The following PRDM15 variants were observed in gnomAD, a reference collection of about 807,000 sequenced individuals.
PRDM15 encodes PR domain zinc finger protein 15.
Under a neutral mutation model 128.6 loss-of-function variants are expected in PRDM15, and 64 were observed. The observed-to-expected ratio is 0.50, with a 90% CI of 0.41 to 0.61. The LOEUF is 0.61. Ranked by LOEUF, PRDM15 falls within the 20% of genes least tolerant of loss-of-function variation. The pLI is 0.00. For missense variants in PRDM15, 1,242 were observed against 1,569.1 expected (o/e 0.79, Z 3.52); for synonymous variants, 615 against 621.8 (o/e 0.99, Z 0.16).
intron 17 of PRDM15, 21 bp from the exon 18 acceptor site, chr21:41,819,722 C>T (rs1415002309): frequency 6.3e-7 from 1 of 1,585,710 alleles, no homozygotes; most frequent in East Asian, 2.3e-5. Context: ...AGGCATCTGC[C>T]ACTCAGAGCC....
chr21:41,826,320 C>T (rs1263894737), intron 12 of PRDM15, among the ~76,000 whole-genome samples: 1 of 152,178 alleles, frequency 6.6e-6, no homozygotes, highest in African/African-American at 2.4e-5. Context: ...GCATCTGAAA[C>T]ATTTGGAAAT....
intron 1 of PRDM15, among the ~76,000 whole-genome samples, chr21:41,877,805 T>C (rs2064475362): frequency 6.6e-6 from 1 of 152,278 alleles, no homozygotes. Context: ...AATGGAACAT[T>C]TAGCTTGTTC....
In PRDM15 at chr21:41,810,094, G is replaced by A. The variant is rs1422507981; in HGVS notation, c.2652+60C>T. 3 of 1,528,606 alleles carry A rather than the reference G, an allele frequency of 2.0e-6. No homozygotes were observed. 94.7% of individuals were successfully genotyped at this position (1,528,606 alleles called of 1,614,324 possible). ...AGGGAGGTGGGCCATGTGCCAGCAT[G>A]GGGGTGTCCGGTGCGCGGCCCGCTG... On this transcript the variant is annotated intron_variant, in intron 21 of 23. Transcript: ENST00000398548. The surrounding 1 kb of genome is among the most constrained non-coding windows in gnomAD (Gnocchi z 6.4).
At chr21:41,816,119 C>T (rs965446581) in intron 18 of PRDM15, among the ~76,000 whole-genome samples, 19 of 152,258 alleles carry the variant, frequency 1.2e-4, no homozygotes, top group African/African-American at 4.6e-4. Flanking sequence ...GGGTAAACTT[C>T]CCTGCGTGCC....
chr21:41,837,290 C>T (rs573319778), intron 8 of PRDM15, among the ~76,000 whole-genome samples: 2 of 152,244 alleles, frequency 1.3e-5, no homozygotes, highest in African/African-American at 4.8e-5. Context: ...AGCAGCGTCA[C>T]GAAAGCTAGA....
chr21:41,860,711 G>A (rs1043117534), intron 1 of PRDM15, among the ~76,000 whole-genome samples: 12 of 152,082 alleles, frequency 7.9e-5, no homozygotes, highest in Admixed American at 3.3e-4. Context: ...GTGAGCCACC[G>A]TGCCTGGCCT....
At chr21:41,847,223 C>A in intron 5 of PRDM15, 32 bp from the exon 6 acceptor site, 2 of 1,464,974 alleles carry the variant, frequency 1.4e-6, no homozygotes, top group Non-Finnish European at 1.9e-6. Context: ...AAAAAGGTGA[C>A]CCCCAAGCAG....
chr21:41,828,130 T>C lies in PRDM15; in HGVS notation c.1534+36A>G. 1 of 1,607,974 alleles carries C rather than the reference T, an allele frequency of 6.2e-7. No homozygotes were observed. Among genetic ancestry groups the C allele is most frequent in the Non-Finnish European group, 8.5e-7 (1 of 1,178,078 alleles). ...CCTGCCCCACCCCGCAGGAGCTGCC[T>C]CTCCCCGCCCGCAGCAGGTGCGCAG... On this transcript the variant is annotated intron_variant, in intron 12 of 23. Transcript: ENST00000398548. This position sits in a 1 kb window ranked among gnomAD's most constrained non-coding sequence, Gnocchi z 5.7.
At chr21:41,857,545 A>T (rs2063674653) in intron 3 of PRDM15, among the ~76,000 whole-genome samples, 1 of 152,208 alleles carries the variant, frequency 6.6e-6, no homozygotes, top group South Asian at 2.1e-4. Context: ...AGACTGTATA[A>T]GCCCAGGAGT....
In PRDM15 at chr21:41,810,698, G is replaced by A; in HGVS notation, c.2476+55C>T. ...TTCCACCCCAGCAGGCACTCAGACA[G>A]CCCCGGCAGCCTGCCGCGTGCGCCC... On this transcript the variant is annotated intron_variant, in intron 20 of 23. Transcript: ENST00000398548. The surrounding 1 kb of genome is among the most constrained non-coding windows in gnomAD (Gnocchi z 6.4). The A allele has an allele frequency of 7.1e-7, 1 of 1,402,230 alleles. No individual in the cohort carries two copies. The highest frequency in any genetic ancestry group is 1.0e-6 in the Non-Finnish European group (1 of 989,406). 86.9% of individuals were successfully genotyped at this position (1,402,230 alleles called of 1,614,324 possible).
chr21:41,805,751 CTCTATCATCAGT>C (rs2061541641), intron 21 of PRDM15, among the ~76,000 whole-genome samples: 1 of 151,338 alleles, frequency 6.6e-6, no homozygotes, highest in Non-Finnish European at 1.5e-5. Flanking sequence ...TCATTACCAC[CTCTATCATCAGT>C]ATCATCACCA....
chr21:41,801,560 G>A lies in PRDM15; in HGVS notation c.3106C>T (p.Leu1036=). 1 of 1,614,202 alleles carries A rather than the reference G, an allele frequency of 6.2e-7. No homozygotes were observed. Among genetic ancestry groups the A allele is most frequent in the Non-Finnish European group, 8.5e-7 (1 of 1,180,034 alleles). Residue 1036 remains leucine, a synonymous_variant, in exon 24 of 24, where the codon CTG becomes TTG. Coordinates refer to ENST00000398548, the MANE Select transcript of PRDM15 (RefSeq NM_001040424.3). ...HLTTPERQLQ[L]DNSILTVTFD... is the part of the protein sequence containing the mutation. ...GTCACGGTCAGGATTGAGTTGTCCA[G>A]CTGTAACTGGCGTTCAGGGGTGGTA... is the stretch of plus-strand genomic sequence containing the variant.
At chr21:41,823,568 G>T in intron 13 of PRDM15, 119 bp from the exon 14 acceptor site, 1 of 1,058,574 alleles carries the variant, frequency 9.4e-7, no homozygotes, top group Non-Finnish European at 1.3e-6. Context: ...CTGTGCTCCA[G>T]GCCTTGCATC....
chr21:41,832,988 A>G lies in PRDM15; in HGVS notation c.1366+2449T>C, dbSNP rs2062747591. ...GGTCCCAACAATGCTTCTCCCTCCA[A>G]TAACCCTGCGCCGAGGGGATCTAGG... On this transcript the variant is annotated intron_variant, in intron 11 of 23. Transcript: ENST00000398548. This position sits in a 1 kb window ranked among gnomAD's most constrained non-coding sequence, Gnocchi z 4.2. Among the ~76,000 whole-genome samples the G allele has an allele frequency of 6.6e-6, 1 of 152,122 alleles. No homozygotes were observed. The highest frequency in any genetic ancestry group is 1.9e-4 in the East Asian group (1 of 5,188).
At chr21:41,861,861 C>G in intron 1 of PRDM15, 5 of 1,577,700 alleles carry the variant, frequency 3.2e-6, no homozygotes, top group Non-Finnish European at 4.3e-6. Context: ...CCAGAAATAA[C>G]AAGGGGAGGG....
chr21:41,860,405 A>G, intron 1 of PRDM15, 33 bp from the exon 2 acceptor site: 1 of 1,595,482 alleles, frequency 6.3e-7, no homozygotes, highest in Non-Finnish European at 8.6e-7. Context: ...CATTAATGAC[A>G]AGCTCTTACC....
chr21:41,845,604 A>T (rs917216478), intron 6 of PRDM15, among the ~76,000 whole-genome samples: 2 of 151,850 alleles, frequency 1.3e-5, no homozygotes, highest in Non-Finnish European at 2.9e-5. Context: ...CTGTTTACTC[A>T]TCCCTGAAAT....
intron 1 of PRDM15, chr21:41,874,884 C>T (rs918561489): frequency 6.6e-6 from 1 of 152,202 alleles, no homozygotes; most frequent in African/African-American, 2.4e-5. Flanking sequence ...AGCCGAGCTC[C>T]AGTTTTATGT....
chr21:41,810,232 C>A lies in PRDM15; in HGVS notation c.2574G>T (p.Ala858=). The change falls in exon 21 of 24, where the codon GCG becomes GCT. Residue 858 remains alanine, a synonymous_variant. Coordinates refer to ENST00000398548, the MANE Select transcript of PRDM15 (RefSeq NM_001040424.3). This position sits in a 1 kb window ranked among gnomAD's most constrained non-coding sequence, Gnocchi z 6.4. ...TGGTCCCGCACAGCTGGCAGCTCTGCGCCTCCACCTTGTCGTGTGTGAGCT... is the reference window on the plus strand; with the variant it reads ...TGGTCCCGCACAGCTGGCAGCTCTGAGCCTCCACCTTGTCGTGTGTGAGCT... ...HVQLTHDKVE[A]QSCQLCGTKV... 1 of 1,613,120 alleles carries A rather than the reference C, an allele frequency of 6.2e-7. No individual in the cohort carries two copies.
Sources: allele counts gnomAD v4.1 joint callset (sites outside exome capture counted in the v4.1 genomes callset), GRCh38; gene constraint gnomAD v4.1.1; non-coding constraint Gnocchi (gnomAD v3.1); transcripts MANE v1.5; gene names NCBI Gene and HGNC (gene_info 2026-07-23, HGNC 2026-07-21).